KCNAB1: variants seen among roughly 807,000 people sequenced by gnomAD.
KCNAB1 encodes the protein potassium voltage-gated channel subfamily A regulatory beta subunit 1.
KCNAB1 carries 35 observed loss-of-function variants against 64.6 expected under a neutral mutation model. The ratio of observed to expected loss-of-function variants is 0.54; its 90% confidence interval spans 0.41 to 0.72. The LOEUF is 0.72. Ranked by LOEUF, KCNAB1 falls within the 30% of genes least tolerant of loss-of-function variation. The pLI, the probability that KCNAB1 is intolerant of heterozygous loss-of-function variation, is 0.00. For synonymous variants in KCNAB1, 177 were observed against 183.8 expected (o/e 0.96, Z 0.30); for missense variants, 401 against 512.9 (o/e 0.78, Z 2.11).
intron 1 of KCNAB1, among the ~76,000 whole-genome samples, chr3:156,240,931 A>T (rs1013036631): frequency 7.3e-6 from 1 of 136,504 alleles, no homozygotes; most frequent in Non-Finnish European, 1.7e-5. Flanking sequence ...ATTGGAGCTT[A>T]ATTCTGTGAG....
In KCNAB1 at chr3:156,292,163, CAGGTTCTAT is replaced by C. The variant is rs1182485356; in HGVS notation, c.276-129451_276-129443del. ...TAAGATTCCCTCTGTGCGGGGTATC[CAGGTTCTAT>C]ACAGGTGCAGTGGAGACAGTCCATC... On this transcript the variant is annotated intron_variant, in intron 1 of 13. Transcript: ENST00000490337. 5 of 1,608,790 alleles carry C rather than the reference CAGGTTCTAT, an allele frequency of 3.1e-6. No individual in the cohort carries two copies. The African/African-American group carries it at 6.7e-5, about 22-fold the overall frequency.
chr3:156,475,269 G>T (rs866980322), intron 8 of KCNAB1, among the ~76,000 whole-genome samples: 1 of 152,182 alleles, frequency 6.6e-6, no homozygotes, highest in Non-Finnish European at 1.5e-5. Flanking sequence ...TTCCACAGCA[G>T]TGACTGCTTC....
chr3:156,228,618 C>T (rs972546178), intron 1 of KCNAB1, among the ~76,000 whole-genome samples: 4 of 152,162 alleles, frequency 2.6e-5, no homozygotes, highest in Admixed American at 1.3e-4. Flanking sequence ...ACCTCTCCTT[C>T]TCATGTTGCC....
chr3:156,241,062 G>T (rs1176757664), intron 1 of KCNAB1, among the ~76,000 whole-genome samples: 1 of 152,234 alleles, frequency 6.6e-6, no homozygotes. Flanking sequence ...GCTCCCAAGG[G>T]TTGTTAGTTC....
At chr3:156,489,896 G>A (rs913135861) in intron 8 of KCNAB1, among the ~76,000 whole-genome samples, 4 of 152,038 alleles carry the variant, frequency 2.6e-5, no homozygotes, top group South Asian at 2.1e-4. Flanking sequence ...CCAATGTCAC[G>A]GAAGATGGGG....
chr3:156,367,333 G>A (rs929649390), intron 1 of KCNAB1, among the ~76,000 whole-genome samples: 4 of 142,680 alleles, frequency 2.8e-5, no homozygotes, highest in East Asian at 1.9e-4. Flanking sequence ...TGGCCACTAC[G>A]CCCAGCTAAT....
chr3:156,274,507 A>C (rs1379221169), intron 1 of KCNAB1, among the ~76,000 whole-genome samples: 1 of 149,446 alleles, frequency 6.7e-6, no homozygotes, highest in Non-Finnish European at 1.5e-5. Flanking sequence ...TAAGGTAAGA[A>C]CTTTTTTTTT....
intron 1 of KCNAB1, among the ~76,000 whole-genome samples, chr3:156,257,850 G>C (rs76866151): frequency 0.012 from 1,758 of 152,212 alleles, 43 homozygotes; most frequent in East Asian, 0.057. Flanking sequence ...CAGTTATTAA[G>C]CCTGTAGACC....
rs62286173 is a variant in KCNAB1, at chr3:156,201,575, G to A, written c.275+80689G>A. Among the ~76,000 whole-genome samples, 55 of 152,360 alleles carry A rather than the reference G, an allele frequency of 3.6e-4. No individual in the cohort carries two copies. The East Asian group carries it at 6.2e-3, about 17-fold the overall frequency. On this transcript the variant is annotated intron_variant, in intron 1 of 13. Coordinates refer to ENST00000490337, the MANE Select transcript of KCNAB1 (RefSeq NM_172160.3). ...GTTCTGCTCCAGCAGCAGTGTCAGC[G>A]CAGGGGCGGGGGACTAGCAGGGGCA...
At position 156,508,247 on chromosome 3, in the gene KCNAB1, T is replaced by C. The variant is rs1446522799; in HGVS notation, c.659-6117T>C. On this transcript the variant is annotated intron_variant, in intron 8 of 13. Coordinates refer to ENST00000490337, the MANE Select transcript of KCNAB1 (RefSeq NM_172160.3). The surrounding 1 kb of genome is among the most constrained non-coding windows in gnomAD (Gnocchi z 4.1). ...TTTTGCTTTTATCTTTTTTATCTTT[T>C]GCTTTTATCTCTGTGGCCAGATTAA... Among the ~76,000 whole-genome samples the C allele has an allele frequency of 6.6e-6, 1 of 152,232 alleles. No individual in the cohort carries two copies. The highest frequency in any genetic ancestry group is 1.9e-4 in the East Asian group (1 of 5,194).
At position 156,198,612 on chromosome 3, in the gene KCNAB1, C is replaced by T. The variant is rs565069113; in HGVS notation, c.275+77726C>T. On this transcript the variant is annotated intron_variant, in intron 1 of 13. Transcript: ENST00000490337. ...TTTATCAGAGACTACGATTGCAAAC[C>T]CTGCTTTTTTTTTTTTTTTTTTTTG... Among the ~76,000 whole-genome samples the T allele has an allele frequency of 1.7e-4, 19 of 112,374 alleles. 1 individual carries two copies. In the East Asian group the frequency reaches 5.3e-3, roughly 32 times the overall value. 73.7% of individuals were successfully genotyped at this position (112,374 alleles called of 152,430 possible). A position where few individuals can be genotyped will look rare whatever the true frequency, so the allele number is the denominator to read the frequency against.
intron 1 of KCNAB1, among the ~76,000 whole-genome samples, chr3:156,218,523 C>T (rs1715467624): frequency 6.6e-6 from 1 of 152,136 alleles, no homozygotes; most frequent in Non-Finnish European, 1.5e-5. Flanking sequence ...TGCATCATCC[C>T]TATAGGACTG....
chr3:156,367,692 A>C (rs3856672), intron 1 of KCNAB1, among the ~76,000 whole-genome samples: 2,269 of 152,340 alleles, frequency 0.015, 20 homozygotes, highest in South Asian at 0.031. Context: ...ATTGTGCAGG[A>C]CTGAGAGGGG....
intron 1 of KCNAB1, among the ~76,000 whole-genome samples, chr3:156,238,499 A>G (rs1314392757): frequency 6.6e-5 from 10 of 152,128 alleles, no homozygotes; most frequent in Non-Finnish European, 5.9e-5. Context: ...GACCCTAACA[A>G]ATGGCAAATA....
intron 4 of KCNAB1, 25 bp downstream of exon 4, chr3:156,457,557 C>T (rs1246587852): frequency 2.5e-6 from 4 of 1,587,074 alleles, no homozygotes; most frequent in African/African-American, 2.7e-5. Context: ...GTTTGTGTCA[C>T]TCAAATGGCA....
intron 2 of KCNAB1, among the ~76,000 whole-genome samples, chr3:156,448,163 CAA>C (rs1368503315): frequency 6.6e-6 from 1 of 152,152 alleles, no homozygotes; most frequent in Non-Finnish European, 1.5e-5. Flanking sequence ...CAAAATAGTT[CAA>C]AGAGTTATCT....
chr3:156,122,148 C>T (rs1388639537), intron 1 of KCNAB1, among the ~76,000 whole-genome samples: 1 of 150,100 alleles, frequency 6.7e-6, no homozygotes, highest in Non-Finnish European at 1.5e-5. Context: ...TGCTGTTGGG[C>T]CCACATTTGG....
intron 1 of KCNAB1, among the ~76,000 whole-genome samples, chr3:156,336,484 A>G (rs1723722239): frequency 6.6e-6 from 1 of 152,252 alleles, no homozygotes; most frequent in African/African-American, 2.4e-5. Flanking sequence ...CTACGGCCAT[A>G]ACTCTAAACA....
chr3:156,247,961 G>A (rs9870819), intron 1 of KCNAB1, among the ~76,000 whole-genome samples: 89,053 of 151,928 alleles, frequency 0.59, 27,015 homozygotes, highest in East Asian at 0.78. Context: ...TCATATAACC[G>A]TTTCTATATC....
Sources: allele counts gnomAD v4.1 joint callset (sites outside exome capture counted in the v4.1 genomes callset), GRCh38; gene constraint gnomAD v4.1.1; non-coding constraint Gnocchi (gnomAD v3.1); transcripts MANE v1.5; gene names NCBI Gene and HGNC (gene_info 2026-07-23, HGNC 2026-07-21).